The following SECISBP2L variants were observed in gnomAD, a reference collection of about 807,000 sequenced individuals.
SECISBP2L encodes the protein selenocysteine insertion sequence-binding protein 2-like.
A neutral mutation model predicts 114.7 loss-of-function variants in SECISBP2L; 43 were observed. That is an observed-to-expected ratio of 0.38 (90% CI 0.29 to 0.48). The LOEUF (loss-of-function observed/expected upper bound fraction) is 0.48, where lower values mean the gene tolerates loss of function less well. SECISBP2L is among the 20% of genes least tolerant of loss of function. The pLI, the probability that SECISBP2L is intolerant of heterozygous loss-of-function variation, is 0.98. For missense variants in SECISBP2L, 1,136 were observed against 1,301.1 expected (o/e 0.87, Z 1.95); for synonymous variants, 451 against 439.7 (o/e 1.03, Z -0.32).
intron 4 of SECISBP2L, 77 bp from the exon 5 acceptor site, chr15:49,028,759 T>G: frequency 8.2e-7 from 1 of 1,222,000 alleles, no homozygotes; most frequent in Non-Finnish European, 1.2e-6. Flanking sequence ...TCATTAAGAT[T>G]GTAAGAAAAT....
intron 14 of SECISBP2L, among the ~76,000 whole-genome samples, chr15:49,005,432 T>C (rs1178591594): frequency 1.3e-5 from 2 of 152,282 alleles, no homozygotes; most frequent in Admixed American, 6.5e-5. Flanking sequence ...TGGGTGCATA[T>C]ACATTTGGGA....
chr15:49,009,507 G>A (rs1902393960), intron 13 of SECISBP2L, 129 bp from the exon 14 acceptor site: 1 of 814,498 alleles, frequency 1.2e-6, no homozygotes, highest in Non-Finnish European at 1.9e-6. Flanking sequence ...AAGCTAATAA[G>A]GTGGGCATTT....
chr15:48,993,098 A>AGTGTGTGTGT (rs1222412064), intron 17 of SECISBP2L, among the ~76,000 whole-genome samples, 172 bp from the exon 18 acceptor site: 5 of 121,996 alleles, frequency 4.1e-5, no homozygotes, highest in African/African-American at 2.3e-4. Flanking sequence ...AGACAGAGAG[A>AGTGTGTGTGT]GAGTGTGTGT....
At chr15:49,030,723 T>C (rs923909759) in intron 4 of SECISBP2L, among the ~76,000 whole-genome samples, 1 of 152,214 alleles carries the variant, frequency 6.6e-6, no homozygotes, top group African/African-American at 2.4e-5. Context: ...TGAAATAGAT[T>C]TGCATGGGGC....
chr15:49,041,795 A>G (rs1484587652), intron 1 of SECISBP2L, among the ~76,000 whole-genome samples: 2 of 152,246 alleles, frequency 1.3e-5, no homozygotes, highest in Admixed American at 6.5e-5. Flanking sequence ...TAAAAATAGA[A>G]TATCTCAAAC....
intron 17 of SECISBP2L, among the ~76,000 whole-genome samples, chr15:48,995,614 A>G (rs1241763394): frequency 6.6e-6 from 1 of 152,204 alleles, no homozygotes. Context: ...AAATTTTAAA[A>G]AAAGAAGAAA....
At chr15:49,031,948 G>C (rs374925866) in intron 4 of SECISBP2L, among the ~76,000 whole-genome samples, 18 of 152,086 alleles carry the variant, frequency 1.2e-4, no homozygotes, top group East Asian at 1.2e-3. Flanking sequence ...CTTTTCCATA[G>C]CCACTCCAAG....
chr15:49,038,472 T>C (rs1221571038), intron 1 of SECISBP2L, among the ~76,000 whole-genome samples: 3 of 148,556 alleles, frequency 2.0e-5, no homozygotes, highest in African/African-American at 2.5e-5. Flanking sequence ...GATGCACATA[T>C]GGGCAACAAA....
At chr15:49,034,557 T>C (rs1902964480) in intron 3 of SECISBP2L, among the ~76,000 whole-genome samples, 1 of 152,056 alleles carries the variant, frequency 6.6e-6, no homozygotes, top group Non-Finnish European at 1.5e-5. Context: ...GTGCTATTCC[T>C]ACTAAAAATT....
At chr15:49,000,071 T>A in intron 15 of SECISBP2L, 84 bp from the exon 16 acceptor site, 2 of 1,440,916 alleles carry the variant, frequency 1.4e-6, no homozygotes, top group South Asian at 1.3e-5. Flanking sequence ...GCATAAAACA[T>A]CGCAGCAAAG....
chr15:49,016,794 C>A, intron 10 of SECISBP2L, 54 bp downstream of exon 10: 1 of 1,574,914 alleles, frequency 6.3e-7, no homozygotes, highest in Non-Finnish European at 8.6e-7. Context: ...TCTATCTATT[C>A]CATCAAACCT....
At chr15:49,026,579 A>G (rs1902747967) in intron 7 of SECISBP2L, among the ~76,000 whole-genome samples, 1 of 152,226 alleles carries the variant, frequency 6.6e-6, no homozygotes, top group Non-Finnish European at 1.5e-5. Flanking sequence ...CTAAAATCTG[A>G]AACTTTTTTC....
chr15:49,001,017 C>T lies in SECISBP2L; in HGVS notation c.2108G>A (p.Arg703His), dbSNP rs377231829. The part of the protein sequence containing the change: ...LLQELVSFQE[R>H]IYQKDPVRAK... ...TCTTACAGGATCTTTTTGGTAGATG[C>T]GTTCCTGGAAACTGACAAGCTCTTG... Residue 703 changes from arginine (R) to histidine (H), a missense_variant, in exon 15 of 18, where the codon CGC becomes CAC. By Grantham distance (29) the Arg-to-His change is conservative. This residue lies in a region of SECISBP2L where 684 missense variants were observed against 848.7 expected (regional missense o/e 0.81). Coordinates refer to ENST00000559471, the MANE Select transcript of SECISBP2L (RefSeq NM_001193489.2). 29 of 1,613,674 alleles carry T rather than the reference C, an allele frequency of 1.8e-5. No individual in the cohort carries two copies. Among genetic ancestry groups the T allele is most frequent in the Middle Eastern group, 1.6e-4 (1 of 6,062 alleles).
At chr15:49,035,744 A>G in intron 2 of SECISBP2L, 86 bp from the exon 3 acceptor site, 1 of 1,192,854 alleles carries the variant, frequency 8.4e-7, no homozygotes, top group Middle Eastern at 2.0e-4. Context: ...ACACTAATAA[A>G]AGACAAAACA....
chr15:49,012,541 C>T (rs550652801), intron 12 of SECISBP2L, 107 bp downstream of exon 12: 452 of 1,136,934 alleles, frequency 4.0e-4, no homozygotes, highest in Non-Finnish European at 5.6e-4. Flanking sequence ...TGTATGAATA[C>T]TTCTCACAAC....
rs1293537159 is a variant in SECISBP2L at position 48,996,539 on chromosome 15, T to A, written c.2451A>T (p.Ala817=). ...CCATTGCTGCAACCATATCTTTATA[T>A]GCTTTCCTGGCCTCCTCAGTGAGTT... ...LVELTEEARK[A]YKDMVAAMEQ... Residue 817 remains alanine, a synonymous_variant, in exon 17 of 18, where the codon GCA becomes GCT. Transcript: ENST00000559471. The A allele has an allele frequency of 1.2e-6, 2 of 1,614,162 alleles. No homozygotes were observed. Among genetic ancestry groups the A allele is most frequent in the Admixed American group, 3.3e-5 (2 of 60,010 alleles).
chr15:49,038,224 A>G (rs1218647414), intron 1 of SECISBP2L, among the ~76,000 whole-genome samples: 2 of 152,148 alleles, frequency 1.3e-5, no homozygotes, highest in Admixed American at 1.3e-4. Flanking sequence ...TGGAAATTAG[A>G]TCAGTATCAT....
chr15:49,031,796 T>C (rs985114067), intron 4 of SECISBP2L, among the ~76,000 whole-genome samples: 2 of 152,214 alleles, frequency 1.3e-5, no homozygotes, highest in African/African-American at 4.8e-5. Flanking sequence ...TTAGAAAGAA[T>C]GTCTTTGTGG....
At chr15:49,004,079 T>TTG (rs1339895696) in intron 14 of SECISBP2L, among the ~76,000 whole-genome samples, 1 of 152,166 alleles carries the variant, frequency 6.6e-6, no homozygotes, top group East Asian at 1.9e-4. Context: ...TAGGCTTTTT[T>TTG]TGGTTGGTAG....
Sources: allele counts gnomAD v4.1 joint callset (sites outside exome capture counted in the v4.1 genomes callset), GRCh38; gene constraint gnomAD v4.1.1; regional missense constraint gnomAD v4.1.1; transcripts MANE v1.5; gene names NCBI Gene and HGNC (gene_info 2026-07-23, HGNC 2026-07-21).